Variants in HERC3 observed in about 807,000 individuals in gnomAD.
HERC3 encodes HECT and RLD domain containing E3 ubiquitin protein ligase 3, also known as probable E3 ubiquitin-protein ligase HERC3.
Under a neutral mutation model 129.9 loss-of-function variants are expected in HERC3, and 58 were observed. That is an observed-to-expected ratio of 0.45 (90% CI 0.36 to 0.56). HERC3 has a LOEUF of 0.56. Ranked by LOEUF, HERC3 falls within the 20% of genes least tolerant of loss-of-function variation. The pLI is 0.00. For synonymous variants in HERC3, 430 were observed against 451.0 expected (o/e 0.95, Z 0.59); for missense variants, 835 against 1,244.2 (o/e 0.67, Z 4.95).
intron 19 of HERC3, among the ~76,000 whole-genome samples, chr4:88,679,367 C>T (rs565959963): frequency 1.3e-5 from 2 of 152,252 alleles, no homozygotes; most frequent in South Asian, 4.2e-4. Flanking sequence ...CGTGATTTCT[C>T]CCAGAAAGTG....
At chr4:88,616,183 A>G (rs936668936) in intron 3 of HERC3, among the ~76,000 whole-genome samples, 2 of 151,058 alleles carry the variant, frequency 1.3e-5, no homozygotes, top group African/African-American at 4.9e-5. Context: ...CTTTATTGTT[A>G]ATTTTTGCAG....
At chr4:88,683,281 C>G (rs1733011686) in intron 21 of HERC3, among the ~76,000 whole-genome samples, 1 of 152,074 alleles carries the variant, frequency 6.6e-6, no homozygotes, top group Non-Finnish European at 1.5e-5. Context: ...CGGGAGGGAA[C>G]ATCTTTTTGT....
intron 3 of HERC3, among the ~76,000 whole-genome samples, chr4:88,613,477 C>T (rs1724572583): frequency 6.6e-6 from 1 of 152,136 alleles, no homozygotes; most frequent in African/African-American, 2.4e-5. Flanking sequence ...GCAGAACGTC[C>T]AAAAGCTTCA....
chr4:88,652,434 AAAG>A (rs1729394365), intron 5 of HERC3, among the ~76,000 whole-genome samples: 1 of 152,192 alleles, frequency 6.6e-6, no homozygotes, highest in Non-Finnish European at 1.5e-5. Flanking sequence ...AATGAATGAA[AAAG>A]AAGGAGTTGG....
At chr4:88,611,476 G>T (rs2149204442) in intron 3 of HERC3, among the ~76,000 whole-genome samples, 1 of 152,264 alleles carries the variant, frequency 6.6e-6, no homozygotes, top group South Asian at 2.1e-4. Flanking sequence ...ATGATGGAAG[G>T]CCCCTTCCTT....
At position 88,704,085 on chromosome 4, in the gene HERC3, T is replaced by G; in HGVS notation, c.2658-13T>G. The G allele has an allele frequency of 6.2e-7, 1 of 1,611,994 alleles. No homozygotes were observed. The highest frequency in any genetic ancestry group is 1.1e-5 in the South Asian group (1 of 90,944). On this transcript the variant is annotated splice_polypyrimidine_tract_variant and intron_variant, in intron 23 of 25. Coordinates refer to ENST00000402738, the MANE Select transcript of HERC3 (RefSeq NM_014606.3). ...ACTTTGAGCTAAATGTATTTTCTTT[T>G]GTGTTCTGGCAGGCAGGAATTTGTG...
chr4:88,616,998 T>A (rs1724971892), intron 3 of HERC3, among the ~76,000 whole-genome samples: 1 of 151,996 alleles, frequency 6.6e-6, no homozygotes, highest in African/African-American at 2.4e-5. Context: ...CCAGCCAGGG[T>A]CAGCCTTGCC....
chr4:88,549,320 T>A, the HERC3 span, among the ~76,000 whole-genome samples: 846 of 148,606 alleles, frequency 5.7e-3, 3 homozygotes, highest in South Asian at 9.4e-3. Flanking sequence ...TAACTTTTTT[T>A]AAAAAAAAAA....
intron 9 of HERC3, 107 bp from the exon 10 acceptor site, chr4:88,658,308 A>G: frequency 1.8e-6 from 1 of 554,050 alleles, no homozygotes; most frequent in African/African-American, 1.9e-5. Flanking sequence ...ACACAATTAA[A>G]ATGGATAGGT....
chr4:88,600,435 C>G (rs1223071515), intron 2 of HERC3, among the ~76,000 whole-genome samples: 1 of 152,198 alleles, frequency 6.6e-6, no homozygotes, highest in East Asian at 1.9e-4. Context: ...TCTGTCTAGA[C>G]AGCCTATTTA....
chr4:88,554,104 T>C, the HERC3 span, among the ~76,000 whole-genome samples: 2 of 152,012 alleles, frequency 1.3e-5, no homozygotes, highest in African/African-American at 4.8e-5. Flanking sequence ...TCCCAGCATG[T>C]TGGGAGGCTG....
intron 3 of HERC3, among the ~76,000 whole-genome samples, chr4:88,619,654 A>G (rs1725300351): frequency 6.6e-6 from 1 of 152,250 alleles, no homozygotes; most frequent in Non-Finnish European, 1.5e-5. Flanking sequence ...AAGGCATCCC[A>G]TAACGAAGCC....
At chr4:88,574,135 T>C in the HERC3 span, among the ~76,000 whole-genome samples, 2 of 152,146 alleles carry the variant, frequency 1.3e-5, no homozygotes, top group Non-Finnish European at 2.9e-5. Context: ...CTAGGCAGAA[T>C]CTAGGAAGAA....
the HERC3 span, among the ~76,000 whole-genome samples, chr4:88,576,657 T>A: frequency 3.3e-5 from 5 of 152,218 alleles, 1 homozygote; most frequent in African/African-American, 1.2e-4. Context: ...TGTGTTGGGG[T>A]GGGGAGGTGG....
chr4:88,658,529 A>G, intron 10 of HERC3, 38 bp downstream of exon 10: 1 of 1,061,292 alleles, frequency 9.4e-7, no homozygotes, highest in Non-Finnish European at 1.4e-6. Flanking sequence ...CCAGGAAGGA[A>G]TAATAGTGAA....
At chr4:88,616,615 C>T (rs1365361797) in intron 3 of HERC3, among the ~76,000 whole-genome samples, 1 of 152,214 alleles carries the variant, frequency 6.6e-6, no homozygotes, top group East Asian at 1.9e-4. Flanking sequence ...CTTTCTGCAT[C>T]CTTCAGTTGC....
At chr4:88,587,827 A>C (rs1721570580), upstream of HERC3, among the ~76,000 whole-genome samples, 1 of 152,260 alleles carries the variant, frequency 6.6e-6, no homozygotes, top group South Asian at 2.1e-4. Context: ...GTGCAGCTAC[A>C]TGATGACAAA....
rs766751380 is a variant in HERC3 at position 88,620,763 on chromosome 4, T to C, written c.226+14714T>C. ...GGCATACTCTGTTCCTCTGGCTTCATTGGTCCCTCCTCAGAGTGTTTACCC... is the reference window on the plus strand; with the variant it reads ...GGCATACTCTGTTCCTCTGGCTTCACTGGTCCCTCCTCAGAGTGTTTACCC... On this transcript the variant is annotated intron_variant, in intron 3 of 25. Transcript: ENST00000402738. Among the ~76,000 whole-genome samples, 5 of 152,314 alleles carry C rather than the reference T, an allele frequency of 3.3e-5. No individual in the cohort carries two copies. The South Asian group carries it at 8.3e-4, about 25-fold the overall frequency.
chr4:88,616,839 C>G (rs970822701), intron 3 of HERC3, among the ~76,000 whole-genome samples: 1 of 152,080 alleles, frequency 6.6e-6, no homozygotes, highest in Non-Finnish European at 1.5e-5. Context: ...GCACAGTTGC[C>G]TCATGTGTTT....
Sources: gnomAD v4.1 joint callset for allele counts (sites outside exome capture counted in the v4.1 genomes callset) on GRCh38, gnomAD v4.1.1 for gene constraint, MANE v1.5 for transcripts, NCBI Gene and HGNC (gene_info 2026-07-23, HGNC 2026-07-21) for gene names.